Variants in GRID2 observed in about 807,000 individuals in gnomAD.
GRID2 encodes glutamate ionotropic receptor delta type subunit 2, also known as glutamate receptor ionotropic, delta-2.
A neutral mutation model predicts 114.8 loss-of-function variants in GRID2; 33 were observed. The observed-to-expected ratio is 0.29, with a 90% confidence interval of 0.22 to 0.38. GRID2 has a LOEUF of 0.38. Among genes scored for constraint, GRID2 ranks in the 10% least tolerant of loss-of-function variants. GRID2 has a pLI of 1.00. For synonymous variants in GRID2, 505 were observed against 449.9 expected, an observed-to-expected ratio of 1.12 and a Z score of -1.55; for missense variants, 1,184 against 1,257.7, an observed-to-expected ratio of 0.94 and a Z score of 0.89.
intron 4 of GRID2, among the ~76,000 whole-genome samples, chr4:93,193,189 T>A (rs1455477703): frequency 6.6e-6 from 1 of 152,196 alleles, no homozygotes; most frequent in East Asian, 1.9e-4. Flanking sequence ...TGACTGTTTC[T>A]GTAGAGGAAT....
chr4:93,794,556 G>A (rs1244230547), intron 1 of GRID2, among the ~76,000 whole-genome samples: 3 of 152,138 alleles, frequency 2.0e-5, no homozygotes, highest in Non-Finnish European at 4.4e-5. Context: ...ATTTATGCCC[G>A]AGGATGGGGG....
At chr4:92,985,728 G>A (rs1754478936) in intron 2 of GRID2, among the ~76,000 whole-genome samples, 1 of 152,002 alleles carries the variant, frequency 6.6e-6, no homozygotes, top group South Asian at 2.1e-4. Context: ...ATACCCAAAG[G>A]CGAACTGTAA....
intron 2 of GRID2, among the ~76,000 whole-genome samples, chr4:92,687,630 C>T (rs1394393019): frequency 6.6e-6 from 1 of 152,032 alleles, no homozygotes; most frequent in African/African-American, 2.4e-5. Flanking sequence ...GAGATCGAGA[C>T]CATCCTGGCT....
chr4:93,252,668 T>C (rs1749099590), intron 8 of GRID2, among the ~76,000 whole-genome samples: 1 of 152,198 alleles, frequency 6.6e-6, no homozygotes, highest in Non-Finnish European at 1.5e-5. Flanking sequence ...AGTATGACCA[T>C]TATAATGACA....
intron 8 of GRID2, among the ~76,000 whole-genome samples, chr4:93,359,680 G>A (rs763633818): frequency 4.1e-5 from 6 of 147,822 alleles, no homozygotes; most frequent in Admixed American, 1.3e-4. Flanking sequence ...ATCTTTCTGC[G>A]CCTGGCTCAT....
intron 2 of GRID2, among the ~76,000 whole-genome samples, chr4:92,990,184 C>A (rs1256363112): frequency 7.1e-6 from 1 of 140,038 alleles, no homozygotes; most frequent in Non-Finnish European, 1.5e-5. Context: ...GAGTGGCATT[C>A]ATCTTAACAT....
chr4:93,288,650 C>A (rs571415092), intron 8 of GRID2, among the ~76,000 whole-genome samples: 2 of 152,078 alleles, frequency 1.3e-5, no homozygotes, highest in African/African-American at 2.4e-5. Flanking sequence ...AGACTCTATC[C>A]TTTTATATAA....
intron 4 of GRID2, among the ~76,000 whole-genome samples, chr4:93,137,966 G>GTTTTTTTTTTTTT (rs753814961): frequency 8.9e-5 from 7 of 78,376 alleles, no homozygotes; most frequent in Non-Finnish European, 1.4e-4. Flanking sequence ...TTTTTTCTTC[G>GTTTTTTTTTTTTT]TTTTTTTTTT....
chr4:93,506,256 C>G (rs7698449), intron 12 of GRID2, among the ~76,000 whole-genome samples: 126,795 of 152,042 alleles, frequency 0.83, 53,459 homozygotes, highest in African/African-American at 0.96. Flanking sequence ...TTCGTCGGGA[C>G]AGAGTGCAGA....
At chr4:93,675,671 C>T (rs1373108634) in intron 14 of GRID2, among the ~76,000 whole-genome samples, 1 of 152,178 alleles carries the variant, frequency 6.6e-6, no homozygotes, top group Non-Finnish European at 1.5e-5. Flanking sequence ...CATCTAACCA[C>T]TTTGCTCTAC....
At chr4:93,128,986 A>G (rs964410538) in intron 4 of GRID2, among the ~76,000 whole-genome samples, 2 of 152,194 alleles carry the variant, frequency 1.3e-5, no homozygotes, top group African/African-American at 4.8e-5. Flanking sequence ...TTCTCAAGAT[A>G]TATTGATTGC....
intron 2 of GRID2, among the ~76,000 whole-genome samples, chr4:92,595,262 T>A (rs1728893140): frequency 1.3e-5 from 2 of 151,964 alleles, no homozygotes; most frequent in Admixed American, 1.3e-4. Flanking sequence ...CATTATAATT[T>A]AAAAACACAA....
chr4:92,731,190 A>C (rs929926338), intron 2 of GRID2, among the ~76,000 whole-genome samples: 1 of 151,876 alleles, frequency 6.6e-6, no homozygotes, highest in Non-Finnish European at 1.5e-5. Flanking sequence ...TTAGAGACTA[A>C]ATAATGTACT....
intron 2 of GRID2, among the ~76,000 whole-genome samples, chr4:92,912,271 G>C (rs1748446138): frequency 6.6e-6 from 1 of 151,792 alleles, no homozygotes; most frequent in Non-Finnish European, 1.5e-5. Context: ...ATGTTCATCT[G>C]TTCAGCAGCA....
intron 1 of GRID2, among the ~76,000 whole-genome samples, chr4:92,588,720 C>A (rs1243103035): frequency 6.7e-6 from 1 of 149,550 alleles, no homozygotes; most frequent in African/African-American, 2.5e-5. Context: ...ATTAGTTTCT[C>A]TCAAGTTCTC....
intron 1 of GRID2, among the ~76,000 whole-genome samples, chr4:92,347,853 ATAT>A (rs1444009726): frequency 6.6e-6 from 1 of 152,088 alleles, no homozygotes; most frequent in Non-Finnish European, 1.5e-5. Flanking sequence ...TATGAATATA[ATAT>A]TATATTGTAA....
chr4:92,370,659 A>G (rs1729076368), intron 1 of GRID2, among the ~76,000 whole-genome samples: 1 of 152,194 alleles, frequency 6.6e-6, no homozygotes, highest in Non-Finnish European at 1.5e-5. Context: ...AAGTGAAAGG[A>G]TGAGTCGCAC....
At chr4:92,675,592 C>T (rs1267211033) in intron 2 of GRID2, among the ~76,000 whole-genome samples, 2 of 149,708 alleles carry the variant, frequency 1.3e-5, no homozygotes, top group Non-Finnish European at 3.0e-5. Flanking sequence ...GCTCTGTCAC[C>T]CAGGCTGGAG....
intron 14 of GRID2, among the ~76,000 whole-genome samples, chr4:93,751,574 G>A (rs1732321148): frequency 1.3e-5 from 2 of 152,140 alleles, no homozygotes; most frequent in Non-Finnish European, 2.9e-5. Context: ...GTTGCTTCCT[G>A]TGCAGCTGTG....
Sources: gnomAD v4.1 joint callset for allele counts (sites outside exome capture counted in the v4.1 genomes callset) on GRCh38, gnomAD v4.1.1 for gene constraint, MANE v1.5 for transcripts, NCBI Gene and HGNC (gene_info 2026-07-23, HGNC 2026-07-21) for gene names.